Variants in VPS13B observed in about 807,000 individuals in gnomAD.
The protein encoded by VPS13B is vacuolar protein sorting 13 homolog B, also known as intermembrane lipid transfer protein VPS13B.
Under a neutral mutation model 426.4 loss-of-function variants are expected in VPS13B, and 285 were observed. The ratio of observed to expected loss-of-function variants is 0.67; its 90% CI spans 0.61 to 0.74. VPS13B has a LOEUF of 0.74. Among genes scored for constraint, VPS13B ranks in the 30% least tolerant of loss-of-function variants. VPS13B has a pLI of 0.00. For synonymous variants in VPS13B, 1,676 were observed against 1,676.4 expected (o/e 1.00, Z 0.01); for missense variants, 4,537 against 4,782.6 (o/e 0.95, Z 1.51).
intron 2 of VPS13B, among the ~76,000 whole-genome samples, chr8:99,021,125 A>G (rs1203990032): frequency 1.3e-5 from 2 of 152,140 alleles, no homozygotes; most frequent in Non-Finnish European, 2.9e-5. Flanking sequence ...AAACATAGCT[A>G]TTCATTTTGT....
At chr8:99,866,987 C>T (rs1293964781) in intron 58 of VPS13B, among the ~76,000 whole-genome samples, 1 of 152,222 alleles carries the variant, frequency 6.6e-6, no homozygotes, top group African/African-American at 2.4e-5. Context: ...CAGCACGACT[C>T]TAGGCTGGGA....
intron 34 of VPS13B, among the ~76,000 whole-genome samples, chr8:99,645,081 C>T (rs902310628): frequency 2.7e-4 from 41 of 152,230 alleles, no homozygotes; most frequent in Middle Eastern, 3.4e-3. Flanking sequence ...CTCTATGGGT[C>T]CCCTGAAAAG....
chr8:99,837,248 C>T (rs1461677991), intron 54 of VPS13B, among the ~76,000 whole-genome samples: 1 of 152,088 alleles, frequency 6.6e-6, no homozygotes, highest in African/African-American at 2.4e-5. Flanking sequence ...GAGGGCCACA[C>T]TCACCCTGGA....
intron 33 of VPS13B, among the ~76,000 whole-genome samples, chr8:99,630,341 ATCTTTTGTG>A (rs1828789739): frequency 6.6e-6 from 1 of 151,274 alleles, no homozygotes; most frequent in Admixed American, 6.6e-5. Context: ...CTCTTTTTTC[ATCTTTTGTG>A]TCTTTTTTGT....
At chr8:99,675,438 A>G (rs1044823694) in intron 35 of VPS13B, among the ~76,000 whole-genome samples, 8 of 151,878 alleles carry the variant, frequency 5.3e-5, no homozygotes, top group African/African-American at 1.7e-4. Flanking sequence ...TCTTATTTGG[A>G]TTGAATCTGA....
intron 30 of VPS13B, among the ~76,000 whole-genome samples, chr8:99,537,062 T>C (rs994635715): frequency 1.3e-5 from 2 of 152,210 alleles, no homozygotes; most frequent in African/African-American, 2.4e-5. Context: ...AAATCAAATA[T>C]GTTTTGATTT....
At chr8:99,461,432 T>C (rs80022543) in intron 23 of VPS13B, among the ~76,000 whole-genome samples, 487 of 152,336 alleles carry the variant, frequency 3.2e-3, no homozygotes, top group African/African-American at 0.011. Flanking sequence ...CTTTTCTTCT[T>C]ACATTCCTGA....
chr8:99,572,344 G>T (rs564039751), intron 31 of VPS13B, among the ~76,000 whole-genome samples: 1 of 152,034 alleles, frequency 6.6e-6, no homozygotes, highest in Non-Finnish European at 1.5e-5. Context: ...AAGTTCTAGG[G>T]TAGATGTGCA....
At chr8:99,568,491 A>C (rs967629956) in intron 31 of VPS13B, among the ~76,000 whole-genome samples, 13 of 151,778 alleles carry the variant, frequency 8.6e-5, no homozygotes, top group African/African-American at 3.1e-4. Context: ...GGGTTTTACC[A>C]TGTTGGCCAG....
intron 17 of VPS13B, among the ~76,000 whole-genome samples, chr8:99,226,737 G>A (rs530205672): frequency 1.9e-4 from 29 of 152,164 alleles, no homozygotes; most frequent in Admixed American, 2.0e-4. Flanking sequence ...CATTTTCTCT[G>A]TGTAAAGAAA....
At chr8:99,720,323 GA>G (rs751416099) in intron 37 of VPS13B, 21 bp from the exon 38 acceptor site, 3 of 1,599,788 alleles carry the variant, frequency 1.9e-6, no homozygotes, top group Admixed American at 1.7e-5. Flanking sequence ...AAAGCTACTA[GA>G]ATTTTTTTAT....
chr8:99,516,689 G>T (rs1035025572), intron 29 of VPS13B, among the ~76,000 whole-genome samples: 1 of 148,174 alleles, frequency 6.7e-6, no homozygotes, highest in Admixed American at 6.8e-5. Context: ...TCAGGAGGCT[G>T]AGGTGGGAGA....
At chr8:99,187,366 G>A (rs1455120732) in intron 16 of VPS13B, among the ~76,000 whole-genome samples, 2 of 152,142 alleles carry the variant, frequency 1.3e-5, no homozygotes, top group Non-Finnish European at 2.9e-5. Context: ...TGTTGGAAAA[G>A]CGAAAGGAAA....
At chr8:99,551,728 G>T (rs1157073940) in intron 30 of VPS13B, among the ~76,000 whole-genome samples, 1 of 151,556 alleles carries the variant, frequency 6.6e-6, no homozygotes, top group Non-Finnish European at 1.5e-5. Flanking sequence ...AAATTATCTG[G>T]TCCCCTTATT....
Position 99,778,968 on chromosome 8 carries a change from A to G in VPS13B, c.7716A>G (p.Val2572=), listed in dbSNP as rs981350121. Residue 2572 remains valine (V), a synonymous_variant, in exon 42 of 62, where the codon GTA becomes GTG. Coordinates refer to ENST00000357162, the MANE Select transcript of VPS13B (RefSeq NM_152564.5). ...LLDCTVIVDS[V]FVNLGQHVVH... Reference sequence around the variant, plus strand: ...ACTGCACCGTGATAGTTGATTCTGTATTTGTAAACCTTGGACAGCATGTAG... The same window carrying G: ...ACTGCACCGTGATAGTTGATTCTGTGTTTGTAAACCTTGGACAGCATGTAG... 1.1e-5 allele frequency: 18 copies of G among 1,613,826 alleles called. No homozygotes were observed. Among genetic ancestry groups the G allele is most frequent in the African/African-American group, 2.7e-5 (2 of 74,916 alleles).
At chr8:99,452,439 C>T (rs1370497236) in intron 23 of VPS13B, among the ~76,000 whole-genome samples, 1 of 152,160 alleles carries the variant, frequency 6.6e-6, no homozygotes, top group Non-Finnish European at 1.5e-5. Flanking sequence ...CCATACCTCT[C>T]TTGCTCGTTG....
intron 36 of VPS13B, among the ~76,000 whole-genome samples, chr8:99,708,849 C>CTCTCTCTCTCTA: frequency 6.8e-6 from 1 of 147,344 alleles, no homozygotes; most frequent in East Asian, 2.0e-4. Context: ...CTCTCTCTCT[C>CTCTCTCTCTCTA]TATATATATA....
intron 17 of VPS13B, among the ~76,000 whole-genome samples, chr8:99,212,117 T>C (rs80348288): frequency 0.051 from 7,746 of 152,184 alleles, 214 homozygotes; most frequent in African/African-American, 0.071. Flanking sequence ...GCTCTTGAAC[T>C]CCTGACCTCA....
At chr8:99,473,244 A>G (rs549182925) in intron 24 of VPS13B, among the ~76,000 whole-genome samples, 3 of 152,222 alleles carry the variant, frequency 2.0e-5, no homozygotes, top group South Asian at 4.1e-4. Context: ...AAAATGATAT[A>G]TAAGTTCTTA....
Sources: gnomAD v4.1 joint callset for allele counts (sites outside exome capture counted in the v4.1 genomes callset) on GRCh38, gnomAD v4.1.1 for gene constraint, MANE v1.5 for transcripts, NCBI Gene and HGNC (gene_info 2026-07-23, HGNC 2026-07-21) for gene names.